The following FGF21 variants were observed in gnomAD, a reference collection of about 807,000 sequenced individuals.
FGF21 encodes the protein fibroblast growth factor 21.
FGF21 carries 13 observed loss-of-function variants against 13.4 expected under a neutral mutation model. The ratio of observed to expected loss-of-function variants is 0.97; its 90% CI spans 0.63 to 1.54. The LOEUF is 1.54. FGF21 is among the 40% of genes most tolerant of loss of function. The pLI is 0.00. For missense variants in FGF21, 303 were observed against 272.4 expected, an observed-to-expected ratio of 1.11 and a Z score of -0.79; for synonymous variants, 124 against 123.6, an observed-to-expected ratio of 1.00 and a Z score of -0.02.
chr19:48,756,216 A>G lies in FGF21; in HGVS notation c.-21A>G. 6.2e-7 allele frequency: 1 copy of G among 1,601,154 alleles called. No individual in the cohort carries two copies. Among genetic ancestry groups the G allele is most frequent in the South Asian group, 1.1e-5 (1 of 90,540 alleles). On this transcript the variant is annotated 5_prime_UTR_variant, in exon 2 of 4. Transcript: ENST00000593756. ...TCTCCGAGCTCACACCCCGGAGATCACCTGAGGACCCGAGCCATTGATGGA... is the reference window on the plus strand; with the variant it reads ...TCTCCGAGCTCACACCCCGGAGATCGCCTGAGGACCCGAGCCATTGATGGA...
In FGF21 at chr19:48,755,995, A is replaced by G. The variant is rs2034085464; in HGVS notation, c.-242A>G. On this transcript the variant is annotated 5_prime_UTR_variant, in exon 2 of 4. It adds an upstream start codon to the 5' untranslated region. Coordinates refer to ENST00000593756, the MANE Select transcript of FGF21 (RefSeq NM_019113.4). Reference sequence around the variant, plus strand: ...GTAGCTCCTGCCAAATGGGTCAAATATCATGGTTCAGGCGCAGGGAGGGTG... The same window carrying G: ...GTAGCTCCTGCCAAATGGGTCAAATGTCATGGTTCAGGCGCAGGGAGGGTG... 1 of 525,464 alleles carries G rather than the reference A, an allele frequency of 1.9e-6. No homozygotes were observed. Among genetic ancestry groups the G allele is most frequent in the Non-Finnish European group, 3.4e-6 (1 of 294,222 alleles). The allele number at this position is 525,464 out of a possible 1,614,324, so 32.6% of individuals were successfully genotyped here.
intron 3 of FGF21, 128 bp downstream of exon 3, chr19:48,757,157 C>CA (rs2034119005): frequency 1.5e-6 from 1 of 680,880 alleles, no homozygotes; most frequent in Non-Finnish European, 2.6e-6. Flanking sequence ...TGCACGCCCC[C>CA]AGCTGCAACA....
rs754101733 is a variant in FGF21 at position 48,758,044 on chromosome 19, C to T, written c.454C>T (p.Pro152Ser). 23 of 1,613,380 alleles carry T rather than the reference C, an allele frequency of 1.4e-5. No individual in the cohort carries two copies. The highest frequency in any genetic ancestry group is 1.6e-5 in the Non-Finnish European group (19 of 1,179,792). Residue 152 changes from proline (P) to serine (S), a missense_variant, in exon 4 of 4, where the codon CCA (proline) becomes TCA (serine). By Grantham distance (74) the Pro-to-Ser change is moderately conservative (BLOSUM62 -1). Transcript: ENST00000593756. ...GCTGCACCTGCCAGGGAACAAGTCC[C>T]CACACCGGGACCCTGCACCCCGAGG... ...LPLHLPGNKSPHRDPAPRGPA... is the reference protein window; with the variant it reads ...LPLHLPGNKSSHRDPAPRGPA...
chr19:48,758,317 C>A lies in FGF21; in HGVS notation c.*97C>A. The A allele has an allele frequency of 8.5e-7, 1 of 1,179,142 alleles. No homozygotes were observed. Among genetic ancestry groups the A allele is most frequent in the Non-Finnish European group, 1.2e-6 (1 of 867,352 alleles). 73.0% of individuals were successfully genotyped at this position (1,179,142 alleles called of 1,614,324 possible). On this transcript the variant is annotated 3_prime_UTR_variant, in exon 4 of 4. Coordinates refer to ENST00000593756, the MANE Select transcript of FGF21 (RefSeq NM_019113.4). Reference sequence around the variant, plus strand: ...TTCTTACTTGAGATAATAAAGAGTTCCAGAGGAGGATAAGAATGAGCATGT... The same window carrying A: ...TTCTTACTTGAGATAATAAAGAGTTACAGAGGAGGATAAGAATGAGCATGT...
In FGF21 at chr19:48,758,194, G is replaced by T. The variant is rs775575253; in HGVS notation, c.604G>T (p.Gly202Cys). ...TCTGAGCATGGTGGGACCTTCCCAG[G>T]GCCGAAGCCCCAGCTACGCTTCCTG... is the stretch of plus-strand genomic sequence containing the variant. ...DPLSMVGPSQ[G>C]RSPSYAS The change falls in exon 4 of 4, where the codon GGC becomes TGC. Residue 202 changes from glycine to cysteine, a missense_variant. By Grantham distance (159) the Gly-to-Cys change is radical. Coordinates refer to ENST00000593756, the MANE Select transcript of FGF21 (RefSeq NM_019113.4). 1 of 1,610,570 alleles carries T rather than the reference G, an allele frequency of 6.2e-7. No homozygotes were observed.
rs201833005 is a variant in FGF21, at chr19:48,758,212, G to T, written c.622G>T (p.Ala208Ser). Residue 208 changes from alanine (A) to serine (S), a missense_variant, in exon 4 of 4, where the codon GCT (alanine) becomes TCT (serine). Coordinates refer to ENST00000593756, the MANE Select transcript of FGF21 (RefSeq NM_019113.4). The part of the protein sequence containing the change: ...GPSQGRSPSY[A>S]S ...TTCCCAGGGCCGAAGCCCCAGCTACGCTTCCTGAAGCCAGAGGCTGTTTAC... is the reference window on the plus strand; with the variant it reads ...TTCCCAGGGCCGAAGCCCCAGCTACTCTTCCTGAAGCCAGAGGCTGTTTAC... The T allele has an allele frequency of 6.2e-7, 1 of 1,605,212 alleles. No individual in the cohort carries two copies. The highest frequency in any genetic ancestry group is 8.5e-7 in the Non-Finnish European group (1 of 1,177,306).
chr19:48,756,969 C>T lies in FGF21; in HGVS notation c.279C>T (p.Ile93=). The change falls in exon 3 of 4, where the codon ATC becomes ATT. Residue 93 remains isoleucine (I), a synonymous_variant. Coordinates refer to ENST00000593756, the MANE Select transcript of FGF21 (RefSeq NM_019113.4). ...CCTTGAAGCCGGGAGTTATTCAAAT[C>T]TTGGGAGTCAAGACATCCAGGTTCC... is the stretch of plus-strand genomic sequence containing the variant. ...LKALKPGVIQ[I]LGVKTSRFLC... 2 of 1,614,062 alleles carry T rather than the reference C, an allele frequency of 1.2e-6. No individual in the cohort carries two copies. Among genetic ancestry groups the T allele is most frequent in the Non-Finnish European group, 1.7e-6 (2 of 1,179,968 alleles).
intron 3 of FGF21, among the ~76,000 whole-genome samples, chr19:48,757,691 G>A (rs1464519543): frequency 6.8e-6 from 1 of 148,052 alleles, no homozygotes; most frequent in African/African-American, 2.5e-5. Context: ...CTGGAACCCC[G>A]GGTCTGAGGG....
chr19:48,757,898 A>C (rs760190601), intron 3 of FGF21, 32 bp from the exon 4 acceptor site: 8 of 1,514,958 alleles, frequency 5.3e-6, no homozygotes, highest in Non-Finnish European at 7.1e-6. Flanking sequence ...AAACAGAGGA[A>C]CCCTGTCTCT....
intron 2 of FGF21, 94 bp from the exon 3 acceptor site, chr19:48,756,832 C>CTGGGACAGAGCTGGATGG (rs2122576297): frequency 3.9e-6 from 4 of 1,025,978 alleles, no homozygotes; most frequent in Non-Finnish European, 6.0e-6. Flanking sequence ...ACTCCCAGGG[C>CTGGGACAGAGCTGGATGG]TGGGACAGAG....
Position 48,757,948 on chromosome 19 carries a change from G to T in FGF21, c.358G>T (p.Ala120Ser). ...CCCCTAGCTCCACTTTGACCCTGAG[G>T]CCTGCAGCTTCCGGGAGCTGCTTCT... ...LYGSLHFDPE[A>S]CSFRELLLED... is the part of the protein sequence containing the mutation. The change falls in exon 4 of 4, where the codon GCC becomes TCC. Residue 120 changes from alanine to serine, a missense_variant. Ala to Ser is a moderately conservative substitution (Grantham distance 99, BLOSUM62 1). Coordinates refer to ENST00000593756, the MANE Select transcript of FGF21 (RefSeq NM_019113.4). 6.3e-7 allele frequency: 1 copy of T among 1,575,680 alleles called. No homozygotes were observed. The highest frequency in any genetic ancestry group is 8.6e-7 in the Non-Finnish European group (1 of 1,160,154).
chr19:48,756,261 G>GA lies in FGF21; in HGVS notation c.26dup (p.His10AlafsTer24). On this transcript the variant is annotated frameshift_variant, in exon 2 of 4. Transcript: ENST00000593756. LOFTEE classifies it high-confidence loss of function. The stretch of plus-strand genomic sequence containing the variant: ...GATGGACTCGGACGAGACCGGGTTC[G>GA]AGCACTCAGGACTGTGGGTTTCTGT... The GA allele has an allele frequency of 6.2e-7, 1 of 1,613,858 alleles. No individual in the cohort carries two copies. The highest frequency in any genetic ancestry group is 8.5e-7 in the Non-Finnish European group (1 of 1,179,866).
rs1006213222 is a variant in FGF21, at chr19:48,757,796, C to G, written c.340-134C>G. 11 of 761,450 alleles carry G rather than the reference C, an allele frequency of 1.4e-5. No individual in the cohort carries two copies. The African/African-American group carries it at 2.2e-4, about 15-fold the overall frequency. The allele number at this position is 761,450 out of a possible 1,614,324, so 47.2% of individuals were successfully genotyped here. ...ATGGAGGAGAAACTAGGGTCTGGAC[C>G]CCTGGGTCTGAGGGAGGAGGCGCTG... On this transcript the variant is annotated intron_variant, in intron 3 of 3. Coordinates refer to ENST00000593756, the MANE Select transcript of FGF21 (RefSeq NM_019113.4).
intron 2 of FGF21, 57 bp downstream of exon 2, chr19:48,756,528 T>C: frequency 1.3e-6 from 2 of 1,524,624 alleles, no homozygotes; most frequent in Non-Finnish European, 8.9e-7. Context: ...TCTGGATTCC[T>C]GGGTCTGAGG....
At chr19:48,756,869 T>G (rs1396471542) in intron 2 of FGF21, 57 bp from the exon 3 acceptor site, 1 of 1,357,476 alleles carries the variant, frequency 7.4e-7, no homozygotes, top group African/African-American at 1.4e-5. Flanking sequence ...AGTCGGGTGG[T>G]GGGACAGTCC....
At position 48,757,004 on chromosome 19, in the gene FGF21, G is replaced by A. The variant is rs139679302; in HGVS notation, c.314G>A (p.Arg105Gln). ...GVKTSRFLCQ[R>Q]PDGALYGSLH... is the part of the protein sequence containing the mutation. ...AAGACATCCAGGTTCCTGTGCCAGC[G>A]GCCAGATGGGGCCCTGTATGGATCG... Residue 105 changes from arginine to glutamine, a missense_variant, in exon 3 of 4, where the codon CGG becomes CAG. Coordinates refer to ENST00000593756, the MANE Select transcript of FGF21 (RefSeq NM_019113.4). The A allele has an allele frequency of 1.5e-4, 238 of 1,613,878 alleles. No homozygotes were observed. The highest frequency in any genetic ancestry group is 3.3e-4 in the Middle Eastern group (2 of 6,082).
rs778648482 is a variant in FGF21, at chr19:48,757,013, G to A, written c.323G>A (p.Gly108Glu). Residue 108 changes from glycine to glutamate, a missense_variant, in exon 3 of 4, where the codon GGG becomes GAG. Coordinates refer to ENST00000593756, the MANE Select transcript of FGF21 (RefSeq NM_019113.4). ...AGGTTCCTGTGCCAGCGGCCAGATG[G>A]GGCCCTGTATGGATCGGTGAGTTTC... ...TSRFLCQRPD[G>E]ALYGSLHFDP... is the part of the protein sequence containing the mutation. 1.4e-5 allele frequency: 23 copies of A among 1,613,828 alleles called. No individual in the cohort carries two copies. Among genetic ancestry groups the A allele is most frequent in the Non-Finnish European group, 1.9e-5 (22 of 1,179,856 alleles).
In FGF21 at chr19:48,757,028, C is replaced by G. The variant is rs763483884; in HGVS notation, c.338C>G (p.Ser113Trp). Residue 113 changes from serine (S) to tryptophan (W), a missense_variant and splice_region_variant, in exon 3 of 4, where the codon TCG becomes TGG. Ser to Trp is a radical substitution (Grantham distance 177). Coordinates refer to ENST00000593756, the MANE Select transcript of FGF21 (RefSeq NM_019113.4). The stretch of plus-strand genomic sequence containing the variant: ...CGGCCAGATGGGGCCCTGTATGGAT[C>G]GGTGAGTTTCCAGGACCCTCCTCAC... ...CQRPDGALYGSLHFDPEACSF... is the reference protein window; with the variant it reads ...CQRPDGALYGWLHFDPEACSF... 36 of 1,612,324 alleles carry G rather than the reference C, an allele frequency of 2.2e-5. No homozygotes were observed. The highest frequency in any genetic ancestry group is 2.8e-5 in the Non-Finnish European group (33 of 1,178,614).
Position 48,755,973 on chromosome 19 carries a change from G to T in FGF21, c.-264G>T. ...GCCCTTGCCACGATGGAATTCTGTAGCTCCTGCCAAATGGGTCAAATATCA... is the reference window on the plus strand; with the variant it reads ...GCCCTTGCCACGATGGAATTCTGTATCTCCTGCCAAATGGGTCAAATATCA... On this transcript the variant is annotated 5_prime_UTR_variant, in exon 2 of 4. Coordinates refer to ENST00000593756, the MANE Select transcript of FGF21 (RefSeq NM_019113.4). 1 of 469,358 alleles carries T rather than the reference G, an allele frequency of 2.1e-6. No individual in the cohort carries two copies. The highest frequency in any genetic ancestry group is 3.6e-5 in the Admixed American group (1 of 27,920). 29.1% of individuals were successfully genotyped at this position (469,358 alleles called of 1,614,324 possible). A position where few individuals can be genotyped will look rare whatever the true frequency, so the allele number is the denominator to read the frequency against.
Sources: gnomAD v4.1 joint callset for allele counts (sites outside exome capture counted in the v4.1 genomes callset) on GRCh38, gnomAD v4.1.1 for gene constraint, MANE v1.5 for transcripts, NCBI Gene and HGNC (gene_info 2026-07-23, HGNC 2026-07-21) for gene names.